CD38: variants seen among roughly 807,000 people sequenced by gnomAD.
CD38 encodes CD38 molecule, also known as ADP-ribosyl cyclase/cyclic ADP-ribose hydrolase 1.
In CD38, 31 loss-of-function variants were observed where a neutral mutation model predicts 36.3. The ratio of observed to expected loss-of-function variants is 0.85; its 90% CI spans 0.64 to 1.15. The LOEUF (loss-of-function observed/expected upper bound fraction) is 1.15. Ranked by LOEUF, CD38 falls within the 50% of genes most tolerant of loss-of-function variation. CD38 has a pLI of 0.00. For missense variants in CD38, 380 were observed against 371.9 expected, an observed-to-expected ratio of 1.02 and a Z score of -0.18; for synonymous variants, 131 against 135.2, an observed-to-expected ratio of 0.97 and a Z score of 0.22.
At chr4:15,821,875 TA>T (rs879333571) in intron 2 of CD38, among the ~76,000 whole-genome samples, 97 of 142,750 alleles carry the variant, frequency 6.8e-4, no homozygotes, top group Middle Eastern at 3.5e-3. Context: ...GGCAGAGATT[TA>T]AAAAAAAAAA....
intron 2 of CD38, among the ~76,000 whole-genome samples, chr4:15,822,389 A>G (rs1723756741): frequency 6.6e-6 from 1 of 152,180 alleles, no homozygotes; most frequent in Non-Finnish European, 1.5e-5. Flanking sequence ...AATGGAAAAA[A>G]GGAAATAAAA....
intron 3 of CD38, among the ~76,000 whole-genome samples, chr4:15,829,028 T>A (rs886203187): frequency 4.6e-5 from 7 of 152,214 alleles, no homozygotes; most frequent in African/African-American, 7.2e-5. Flanking sequence ...AGGTGTGAGA[T>A]GATGTCTCAT....
intron 1 of CD38, among the ~76,000 whole-genome samples, chr4:15,800,567 C>T (rs545202641): frequency 2.0e-5 from 3 of 152,290 alleles, no homozygotes; most frequent in Non-Finnish European, 2.9e-5. Context: ...TGCTGAGGAT[C>T]ATCTCATAGG....
At chr4:15,828,563 G>A (rs1448565184) in intron 3 of CD38, among the ~76,000 whole-genome samples, 1 of 152,040 alleles carries the variant, frequency 6.6e-6, no homozygotes, top group Non-Finnish European at 1.5e-5. Context: ...ATATGTATTA[G>A]GACATGCAGC....
intron 1 of CD38, among the ~76,000 whole-genome samples, chr4:15,804,436 G>T (rs374995572): frequency 7.9e-5 from 12 of 152,226 alleles, no homozygotes; most frequent in African/African-American, 2.9e-4. Context: ...TATATCCAAA[G>T]AAAATAAAAT....
chr4:15,800,141 C>A (rs1009381659), intron 1 of CD38, among the ~76,000 whole-genome samples: 10 of 152,206 alleles, frequency 6.6e-5, no homozygotes, highest in Non-Finnish European at 1.2e-4. Context: ...TATCCTAAAT[C>A]CTTAAAAACT....
intron 1 of CD38, among the ~76,000 whole-genome samples, chr4:15,794,077 A>G (rs369051751): frequency 4.6e-5 from 7 of 152,146 alleles, no homozygotes; most frequent in African/African-American, 1.7e-4. Context: ...GAATTAAACA[A>G]CTCGTAAGTT....
At chr4:15,793,983 C>T (rs1723059960) in intron 1 of CD38, among the ~76,000 whole-genome samples, 1 of 152,182 alleles carries the variant, frequency 6.6e-6, no homozygotes, top group East Asian at 1.9e-4. Flanking sequence ...ATTCAGTAAC[C>T]CTCCCTTATC....
Position 15,787,107 on chromosome 4 carries a change from CAG to C in CD38, c.233+8463_233+8464del, listed in dbSNP as rs1722855325. ...CTCTCTCTCTACACCTCCGCTCAAGCAGAGGGAGCCGACTCCGGCCTGGGCCA... is the reference window on the plus strand; with the variant it reads ...CTCTCTCTCTACACCTCCGCTCAAGCAGGGAGCCGACTCCGGCCTGGGCCA... On this transcript the variant is annotated intron_variant, in intron 1 of 7. Transcript: ENST00000226279. Among the ~76,000 whole-genome samples the C allele has an allele frequency of 2.0e-5, 3 of 152,356 alleles. No homozygotes were observed. In the East Asian group the frequency reaches 5.8e-4, roughly 29 times the overall value.
At chr4:15,816,447 T>G in intron 1 of CD38, 64 bp from the exon 2 acceptor site, 1 of 1,376,072 alleles carries the variant, frequency 7.3e-7, no homozygotes, top group Non-Finnish European at 9.9e-7. Context: ...TAAAAAATAA[T>G]TATGCTCCAA....
intron 1 of CD38, among the ~76,000 whole-genome samples, chr4:15,800,786 C>G (rs1241644512): frequency 6.6e-6 from 1 of 151,958 alleles, no homozygotes; most frequent in Non-Finnish European, 1.5e-5. Context: ...CTATGGAATA[C>G]AGTAAAAGCA....
In CD38 at chr4:15,830,302, A is replaced by G. The variant is rs1365857326; in HGVS notation, c.500-3915A>G. ...AAGCCATTTTAGCTGGGGTGAGATG[A>G]TATCTCATGATAGTTTTGATTTGCA... On this transcript the variant is annotated intron_variant, in intron 3 of 7. Transcript: ENST00000226279. 2.6e-5 allele frequency among the ~76,000 whole-genome samples: 4 copies of G among 152,254 alleles called. No homozygotes were observed. The East Asian group carries it at 5.8e-4, about 22-fold the overall frequency.
intron 5 of CD38, among the ~76,000 whole-genome samples, chr4:15,839,003 C>G (rs1724138768): frequency 6.6e-6 from 1 of 152,100 alleles, no homozygotes; most frequent in Non-Finnish European, 1.5e-5. Context: ...CCTTTTCGGC[C>G]TTTGTTCTCT....
At position 15,838,856 on chromosome 4, in the gene CD38, T is replaced by A. The variant is rs150153168; in HGVS notation, c.659+691T>A. On this transcript the variant is annotated intron_variant, in intron 5 of 7. Transcript: ENST00000226279. ...AACAGATGAAAAATGCTGAGCTCTG[T>A]GCCTGACAACAGAGAAAGTGCTCAA... Among the ~76,000 whole-genome samples the A allele has an allele frequency of 4.2e-4, 64 of 152,336 alleles. No homozygotes were observed. In the East Asian group the frequency reaches 0.011, roughly 26 times the overall value.
intron 2 of CD38, among the ~76,000 whole-genome samples, chr4:15,821,792 C>T (rs1451397337): frequency 6.6e-6 from 1 of 150,850 alleles, no homozygotes; most frequent in African/African-American, 2.4e-5. Flanking sequence ...TGAAACTGTT[C>T]CAAAAAATTG....
At chr4:15,808,568 C>CA (rs1553873636) in intron 1 of CD38, among the ~76,000 whole-genome samples, 1 of 152,200 alleles carries the variant, frequency 6.6e-6, no homozygotes, top group South Asian at 2.1e-4. Context: ...TAGAAGGTCA[C>CA]AAAACCACTC....
At chr4:15,821,529 A>G (rs1723734300) in intron 2 of CD38, among the ~76,000 whole-genome samples, 1 of 152,200 alleles carries the variant, frequency 6.6e-6, no homozygotes, top group East Asian at 1.9e-4. Flanking sequence ...ACAAACAACC[A>G]TCAGAGAATA....
rs1185338914 is a variant in CD38 at position 15,851,056 on chromosome 4, A to T, written c.*2454A>T. ...GACTCATTTGAGTGTTCAAGTTCAG[A>T]GCCAGTGGAGACCTTAGGGGAGGGT... On this transcript the variant is annotated 3_prime_UTR_variant, in exon 8 of 8. Coordinates refer to ENST00000226279, the MANE Select transcript of CD38 (RefSeq NM_001775.4). 6.6e-6 allele frequency: 1 copy of T among 152,198 alleles called. No individual in the cohort carries two copies. Among genetic ancestry groups the T allele is most frequent in the Non-Finnish European group, 1.5e-5 (1 of 68,052 alleles). 9.4% of individuals were successfully genotyped at this position (152,198 alleles called of 1,614,324 possible). A position where few individuals can be genotyped will look rare whatever the true frequency, so the allele number is the denominator to read the frequency against.
In CD38 at chr4:15,816,643, A is replaced by G; in HGVS notation, c.363+3A>G. The G allele has an allele frequency of 6.2e-7, 1 of 1,613,536 alleles. No homozygotes were observed. The highest frequency in any genetic ancestry group is 8.5e-7 in the Non-Finnish European group (1 of 1,179,644). Reference sequence around the variant, plus strand: ...CTCAGACCGTACCTTGCAACAAGGTAATTGGGGGCATGCCATTGATTTTAA... The same window carrying G: ...CTCAGACCGTACCTTGCAACAAGGTGATTGGGGGCATGCCATTGATTTTAA... On this transcript the variant is annotated splice_donor_region_variant and intron_variant, in intron 2 of 7. Coordinates refer to ENST00000226279, the MANE Select transcript of CD38 (RefSeq NM_001775.4).
Sources: gnomAD v4.1 joint callset for allele counts (sites outside exome capture counted in the v4.1 genomes callset) on GRCh38, gnomAD v4.1.1 for gene constraint, MANE v1.5 for transcripts, NCBI Gene and HGNC (gene_info 2026-07-23, HGNC 2026-07-21) for gene names.